ERI1: variants seen among roughly 807,000 people sequenced by gnomAD.
ERI1 encodes 3'-5' exoribonuclease 1.
Under a neutral mutation model 39.7 loss-of-function variants are expected in ERI1, and 39 were observed. That is an observed-to-expected ratio of 0.98 (90% CI 0.76 to 1.28). The LOEUF (loss-of-function observed/expected upper bound fraction) is 1.28, where lower values mean the gene tolerates loss of function less well. Ranked by LOEUF, ERI1 falls within the 50% of genes most tolerant of loss-of-function variation. ERI1 has a pLI of 0.00. For synonymous variants in ERI1, 204 were observed against 149.6 expected, an observed-to-expected ratio of 1.36 and a Z score of -2.65; for missense variants, 581 against 416.9, an observed-to-expected ratio of 1.39 and a Z score of -3.43.
At chr8:9,073,653 T>C (rs1799123578) in intron 3 of ERI1, among the ~76,000 whole-genome samples, 1 of 148,184 alleles carries the variant, frequency 6.7e-6, no homozygotes, top group African/African-American at 2.4e-5. Context: ...CGCTGAAAAA[T>C]TATATTCTTC....
intron 3 of ERI1, among the ~76,000 whole-genome samples, chr8:9,056,534 G>A (rs983725599): frequency 7.9e-5 from 12 of 151,996 alleles, no homozygotes; most frequent in Non-Finnish European, 1.3e-4. Context: ...CAAAAAAGAT[G>A]TTTCCACATT....
intron 3 of ERI1, chr8:9,099,843 C>T (rs1286640743): frequency 2.6e-5 from 4 of 151,912 alleles, no homozygotes; most frequent in Non-Finnish European, 4.4e-5. Flanking sequence ...CACATGCTTT[C>T]ATTTCTTTTG....
intron 3 of ERI1, among the ~76,000 whole-genome samples, chr8:9,085,796 G>C (rs1289772419): frequency 6.6e-6 from 1 of 152,070 alleles, no homozygotes; most frequent in East Asian, 1.9e-4. Context: ...TATAGCTGTT[G>C]GGATTGGTGT....
chr8:9,083,925 C>T, intron 3 of ERI1, among the ~76,000 whole-genome samples: 1 of 152,086 alleles, frequency 6.6e-6, no homozygotes, highest in East Asian at 1.9e-4. Context: ...TCCTGAGTAG[C>T]TGGGACTATA....
intron 3 of ERI1, among the ~76,000 whole-genome samples, chr8:9,052,333 T>A (rs1487830068): frequency 6.6e-6 from 1 of 152,016 alleles, no homozygotes; most frequent in Non-Finnish European, 1.5e-5. Context: ...TTTTTTCCAA[T>A]AAATCCCCTT....
chr8:9,027,099 A>G (rs1220674931), intron 6 of ERI1, among the ~76,000 whole-genome samples: 1 of 151,296 alleles, frequency 6.6e-6, no homozygotes, highest in Non-Finnish European at 1.5e-5. Flanking sequence ...ACAAAGTACT[A>G]CATTCTCCAC....
intron 3 of ERI1, among the ~76,000 whole-genome samples, chr8:9,082,763 A>G (rs1484377431): frequency 6.6e-6 from 1 of 152,190 alleles, no homozygotes; most frequent in Non-Finnish European, 1.5e-5. Context: ...TCTAACGTCT[A>G]GGAGAAAGTC....
At chr8:9,085,154 C>G (rs528677944) in intron 3 of ERI1, among the ~76,000 whole-genome samples, 62 of 152,224 alleles carry the variant, frequency 4.1e-4, no homozygotes, top group African/African-American at 1.3e-3. Flanking sequence ...AGCCTGAGGG[C>G]TACATTCTGT....
chr8:9,076,734 C>T (rs551110086), intron 3 of ERI1, among the ~76,000 whole-genome samples: 25 of 152,302 alleles, frequency 1.6e-4, no homozygotes, highest in African/African-American at 5.5e-4. Context: ...AAAAACTGGG[C>T]ATATTTAACA....
intron 3 of ERI1, among the ~76,000 whole-genome samples, chr8:9,064,149 G>A (rs1437921690): frequency 6.6e-6 from 1 of 151,412 alleles, no homozygotes; most frequent in African/African-American, 2.4e-5. Context: ...GGGGCACAGA[G>A]ATAAGAGATC....
chr8:9,009,218 C>G (rs1379533919), intron 2 of ERI1: 1 of 361,140 alleles, frequency 2.8e-6, no homozygotes, highest in Non-Finnish European at 5.5e-6. Flanking sequence ...AAGGTAAATA[C>G]AGATATGTTC....
chr8:9,080,076 T>G (rs931556256), intron 3 of ERI1, among the ~76,000 whole-genome samples: 4 of 151,848 alleles, frequency 2.6e-5, no homozygotes, highest in African/African-American at 4.8e-5. Context: ...GGAATAACAC[T>G]GATTAGTGAT....
intron 3 of ERI1, chr8:9,088,369 T>C (rs973757579): frequency 6.6e-6 from 1 of 152,238 alleles, no homozygotes; most frequent in Non-Finnish European, 1.5e-5. Flanking sequence ...ATTGAACTAT[T>C]TAATGTCGCT....
chr8:9,080,827 T>A (rs1358935370), intron 3 of ERI1, among the ~76,000 whole-genome samples: 1 of 152,088 alleles, frequency 6.6e-6, no homozygotes, highest in East Asian at 1.9e-4. Context: ...AGGGCAGCGG[T>A]GCAAAGAATG....
At chr8:9,022,207 A>G (rs1253279688) in intron 6 of ERI1, among the ~76,000 whole-genome samples, 1 of 152,108 alleles carries the variant, frequency 6.6e-6, no homozygotes, top group East Asian at 1.9e-4. Context: ...GGTGTGTGAT[A>G]CCATCTCATT....
At chr8:9,007,898 T>C in intron 1 of ERI1, 72 bp from the exon 2 acceptor site, 1 of 1,518,608 alleles carries the variant, frequency 6.6e-7, no homozygotes, top group Admixed American at 2.4e-5. Flanking sequence ...TTTGAATCTT[T>C]AAATCTGTGA....
chr8:9,081,190 C>T (rs1371541421), intron 3 of ERI1, among the ~76,000 whole-genome samples: 2 of 152,190 alleles, frequency 1.3e-5, no homozygotes, highest in Non-Finnish European at 2.9e-5. Context: ...GGAAACCACC[C>T]ATGTGATCCA....
At chr8:9,053,523 C>T (rs1431480871) in intron 3 of ERI1, among the ~76,000 whole-genome samples, 2 of 152,106 alleles carry the variant, frequency 1.3e-5, no homozygotes, top group African/African-American at 2.4e-5. Context: ...GTTCTTGAGT[C>T]GTATCCTTTA....
chr8:9,084,284 A>T (rs1367915462), intron 3 of ERI1, among the ~76,000 whole-genome samples: 1 of 152,180 alleles, frequency 6.6e-6, no homozygotes, highest in Non-Finnish European at 1.5e-5. Context: ...ATACCGCCTC[A>T]TCTATTCCAC....
Sources: allele counts gnomAD v4.1 joint callset (sites outside exome capture counted in the v4.1 genomes callset), GRCh38; gene constraint gnomAD v4.1.1; transcripts MANE v1.5; gene names NCBI Gene and HGNC (gene_info 2026-07-23, HGNC 2026-07-21).